ZNF559: variants seen among roughly 807,000 people sequenced by gnomAD.
The protein encoded by ZNF559 is putative protein product of Nbla00121.
In ZNF559, 17 loss-of-function variants were observed where a neutral mutation model predicts 14.2. The observed-to-expected ratio is 1.20, with a 90% confidence interval of 0.82 to 1.80. ZNF559 has a LOEUF of 1.80. Among genes scored for constraint, ZNF559 ranks in the 40% most tolerant of loss-of-function variants. The pLI, the probability that ZNF559 is intolerant of heterozygous loss-of-function variation, is 0.00. For missense variants in ZNF559, 740 were observed against 629.7 expected (o/e 1.18, Z -1.88); for synonymous variants, 244 against 212.4 (o/e 1.15, Z -1.29).
intron 2 of ZNF559, among the ~76,000 whole-genome samples, chr19:9,325,458 A>C (rs1373275357): frequency 6.6e-6 from 1 of 151,786 alleles, no homozygotes; most frequent in African/African-American, 2.4e-5. Context: ...AAGAAAAAAA[A>C]ACAAATACTG....
chr19:9,328,715 G>A (rs973234177), intron 2 of ZNF559, among the ~76,000 whole-genome samples: 1 of 152,130 alleles, frequency 6.6e-6, no homozygotes, highest in African/African-American at 2.4e-5. Context: ...GCAAAGTAGG[G>A]CTGTATAAAG....
chr19:9,325,901 CT>C (rs1178083051), intron 2 of ZNF559, among the ~76,000 whole-genome samples: 1 of 151,732 alleles, frequency 6.6e-6, no homozygotes, highest in Non-Finnish European at 1.5e-5. Context: ...AGTGAATGAA[CT>C]TTCCCCTTTT....
At chr19:9,328,342 G>C (rs1206585276) in intron 2 of ZNF559, among the ~76,000 whole-genome samples, 1 of 98,936 alleles carries the variant, frequency 1.0e-5, no homozygotes, top group African/African-American at 4.1e-5. Flanking sequence ...TATTAGGCTT[G>C]TTTGTCTTTT....
rs879698708 is a variant in ZNF559 at position 9,344,355 on chromosome 19, T to G, written c.*1287T>G. ...TTTCACTTATTGCACACAAGAAAAT[T>G]GGTACTGGCCAGGCATGCTGGCTCA... On this transcript the variant is annotated 3_prime_UTR_variant, in exon 7 of 7. Coordinates refer to ENST00000603380, the MANE Select transcript of ZNF559 (RefSeq NM_032497.3). The G allele has an allele frequency of 6.6e-6, 1 of 151,928 alleles. No homozygotes were observed. Among genetic ancestry groups the G allele is most frequent in the African/African-American group, 2.4e-5 (1 of 41,364 alleles). The allele number at this position is 151,928 out of a possible 1,614,324, so 9.4% of individuals were successfully genotyped here.
chr19:9,335,715 TGTA>T (rs2067201225), intron 2 of ZNF559, among the ~76,000 whole-genome samples: 1 of 152,142 alleles, frequency 6.6e-6, no homozygotes, highest in Admixed American at 6.5e-5. Context: ...TTGTGGTTTT[TGTA>T]GAGACGGGGT....
At chr19:9,339,137 A>G in intron 4 of ZNF559, 56 bp from the exon 5 acceptor site, 1 of 1,609,430 alleles carries the variant, frequency 6.2e-7, no homozygotes, top group Non-Finnish European at 8.5e-7. Context: ...CTCATTCTCC[A>G]GTCAACATAG....
chr19:9,332,162 T>G (rs549734802), intron 2 of ZNF559, among the ~76,000 whole-genome samples: 1 of 152,296 alleles, frequency 6.6e-6, no homozygotes, highest in Admixed American at 6.5e-5. Context: ...TGAACTTCAT[T>G]AAAAACAATC....
rs1261311046 is a variant in ZNF559, at chr19:9,344,346, C to G, written c.*1278C>G. 1 of 152,066 alleles carries G rather than the reference C, an allele frequency of 6.6e-6. No homozygotes were observed. Among genetic ancestry groups the G allele is most frequent in the Non-Finnish European group, 1.5e-5 (1 of 67,960 alleles). 9.4% of individuals were successfully genotyped at this position (152,066 alleles called of 1,614,324 possible). A position where few individuals can be genotyped will look rare whatever the true frequency, so the allele number is the denominator to read the frequency against. On this transcript the variant is annotated 3_prime_UTR_variant, in exon 7 of 7. Transcript: ENST00000603380. ...GGTACAAATTTTCACTTATTGCACA[C>G]AAGAAAATTGGTACTGGCCAGGCAT...
At position 9,341,089 on chromosome 19, in the gene ZNF559, C is replaced by T. The variant is rs1472935836; in HGVS notation, c.161-13C>T. 1 of 1,579,372 alleles carries T rather than the reference C, an allele frequency of 6.3e-7. No homozygotes were observed. The highest frequency in any genetic ancestry group is 1.2e-5 in the South Asian group (1 of 84,664). On this transcript the variant is annotated splice_polypyrimidine_tract_variant and intron_variant, in intron 5 of 6. Coordinates refer to ENST00000603380, the MANE Select transcript of ZNF559 (RefSeq NM_032497.3). ...TTCTCTAAGAACTTAAAATTTTTTT[C>T]ATCTTATTTCAGATTGGGAGAGTCA... is the stretch of plus-strand genomic sequence containing the variant.
rs2067609265 is a variant in ZNF559, at chr19:9,342,076, GGAGA to G, written c.630_633del (p.Glu210AspfsTer50). 1 of 1,611,504 alleles carries G rather than the reference GGAGA, an allele frequency of 6.2e-7. No individual in the cohort carries two copies. The highest frequency in any genetic ancestry group is 8.5e-7 in the Non-Finnish European group (1 of 1,179,282). ...CAGAGAATGTGTAAGAATTTATGGT[GGAGA>G]GAGACCATATACTCATAAGGAGTAT... On this transcript the variant is annotated frameshift_variant, in exon 7 of 7. Coordinates refer to ENST00000603380, the MANE Select transcript of ZNF559 (RefSeq NM_032497.3). LOFTEE classifies it low-confidence loss of function (END_TRUNC).
At position 9,339,271 on chromosome 19, in the gene ZNF559, T is replaced by G; in HGVS notation, c.112T>G (p.Leu38Val). The part of the protein sequence containing the change: ...WTLLDQTQRN[L>V]YRDVMLENYK... ...TTTGCTGGATCAAACTCAGAGAAAC[T>G]TATACAGAGATGTGATGCTGGAGAA... The change falls in exon 5 of 7, where the codon TTA (leucine) becomes GTA (valine). Residue 38 changes from leucine to valine, a missense_variant. Coordinates refer to ENST00000603380, the MANE Select transcript of ZNF559 (RefSeq NM_032497.3). The G allele has an allele frequency of 6.2e-7, 1 of 1,613,872 alleles. No homozygotes were observed. Among genetic ancestry groups the G allele is most frequent in the Non-Finnish European group, 8.5e-7 (1 of 1,179,930 alleles).
intron 2 of ZNF559, among the ~76,000 whole-genome samples, chr19:9,336,979 A>C (rs1399001506): frequency 1.3e-5 from 2 of 152,198 alleles, no homozygotes; most frequent in Non-Finnish European, 2.9e-5. Context: ...ACAGATTAGA[A>C]TCTGCAAAGG....
At chr19:9,336,226 G>GTCC (rs1285789838) in intron 2 of ZNF559, among the ~76,000 whole-genome samples, 1 of 152,090 alleles carries the variant, frequency 6.6e-6, no homozygotes, top group East Asian at 1.9e-4. Flanking sequence ...GTGTGTGGTA[G>GTCC]GGGAGGTGGA....
At chr19:9,327,538 C>A (rs952994154) in intron 2 of ZNF559, among the ~76,000 whole-genome samples, 1 of 152,160 alleles carries the variant, frequency 6.6e-6, no homozygotes. Context: ...CATGAGCTAC[C>A]GCGCCTGGCC....
chr19:9,335,449 G>A (rs1017265521), intron 2 of ZNF559, among the ~76,000 whole-genome samples: 1 of 152,166 alleles, frequency 6.6e-6, no homozygotes, highest in Non-Finnish European at 1.5e-5. Context: ...CTTGGGAAGA[G>A]TGCAGCCCTG....
rs2067657537 is a variant in ZNF559 at position 9,343,187 on chromosome 19, G to C, written c.*119G>C. The C allele has an allele frequency of 2.5e-5, 38 of 1,491,664 alleles. No homozygotes were observed. The highest frequency in any genetic ancestry group is 3.4e-5 in the Non-Finnish European group (38 of 1,129,154). 92.4% of individuals were successfully genotyped at this position (1,491,664 alleles called of 1,614,324 possible). A position where few individuals can be genotyped will look rare whatever the true frequency, so the allele number is the denominator to read the frequency against. On this transcript the variant is annotated 3_prime_UTR_variant, in exon 7 of 7. Transcript: ENST00000603380. Reference sequence around the variant, plus strand: ...ATAAGGAATGTGGGAAGCCTTCCTTGGTGTCTCAGATCTTAACAATTCCAA... The same window carrying C: ...ATAAGGAATGTGGGAAGCCTTCCTTCGTGTCTCAGATCTTAACAATTCCAA...
rs1460209082 is a variant in ZNF559, at chr19:9,342,761, T to TTG, written c.1311_1312dup (p.Glu438ValfsTer48). 6.2e-7 allele frequency: 1 copy of TTG among 1,613,424 alleles called. No homozygotes were observed. The highest frequency in any genetic ancestry group is 1.1e-5 in the South Asian group (1 of 91,044). Reference sequence around the variant, plus strand: ...AGAAGTCACAGTGCAGAAAGGCCTTTTGAATGTGAGGAATGTGGGAAAGCC... The same window carrying TTG: ...AGAAGTCACAGTGCAGAAAGGCCTTTTGTGAATGTGAGGAATGTGGGAAAGCC... On this transcript the variant is annotated frameshift_variant, in exon 7 of 7. Transcript: ENST00000603380. LOFTEE classifies it low-confidence loss of function (END_TRUNC).
At chr19:9,326,421 T>C (rs1419296595) in intron 2 of ZNF559, among the ~76,000 whole-genome samples, 1 of 152,190 alleles carries the variant, frequency 6.6e-6, no homozygotes, top group Non-Finnish European at 1.5e-5. Flanking sequence ...AAAAATAAAA[T>C]TTTGGCCTTT....
intron 2 of ZNF559, among the ~76,000 whole-genome samples, chr19:9,333,489 G>A (rs988657056): frequency 1.7e-4 from 26 of 152,062 alleles, no homozygotes; most frequent in Non-Finnish European, 1.0e-4. Flanking sequence ...AATCACTTGC[G>A]TCCCACCTGA....
Sources: allele counts gnomAD v4.1 joint callset (sites outside exome capture counted in the v4.1 genomes callset), GRCh38; gene constraint gnomAD v4.1.1; transcripts MANE v1.5; gene names NCBI Gene and HGNC (gene_info 2026-07-23, HGNC 2026-07-21).